GRK4: variants seen among roughly 807,000 people sequenced by gnomAD.
GRK4 encodes G protein-coupled receptor kinase 4, also known as G protein-coupled receptor kinase 2-like.
A neutral mutation model predicts 77.9 loss-of-function variants in GRK4; 73 were observed. That is an observed-to-expected ratio of 0.94 (90% confidence interval 0.78 to 1.14). GRK4 has a LOEUF of 1.14. Ranked by LOEUF, GRK4 falls within the 50% of genes most tolerant of loss-of-function variation. The pLI, the probability that GRK4 is intolerant of heterozygous loss-of-function variation, is 0.00. For missense variants in GRK4, 729 were observed against 700.2 expected (o/e 1.04, Z -0.46); for synonymous variants, 257 against 254.4 (o/e 1.01, Z -0.10).
At chr4:3,008,643 A>G (rs1418321427) in intron 6 of GRK4, among the ~76,000 whole-genome samples, 2 of 152,042 alleles carry the variant, frequency 1.3e-5, no homozygotes, top group Non-Finnish European at 2.9e-5. Context: ...CTCTACTAGA[A>G]CTACAAAACT....
At chr4:3,029,494 G>C in intron 12 of GRK4, 85 bp downstream of exon 12, 1 of 1,205,760 alleles carries the variant, frequency 8.3e-7, no homozygotes, top group South Asian at 1.3e-5. Context: ...AAAAAAAATT[G>C]GTCTGTCATC....
chr4:3,003,935 T>G (rs1730559430), intron 4 of GRK4, among the ~76,000 whole-genome samples: 1 of 152,126 alleles, frequency 6.6e-6, no homozygotes, highest in African/African-American at 2.4e-5. Context: ...TGTTGGCTGG[T>G]CTCAAACTCC....
chr4:2,964,580 C>T (rs1716896640), intron 1 of GRK4, among the ~76,000 whole-genome samples: 1 of 152,158 alleles, frequency 6.6e-6, no homozygotes, highest in Non-Finnish European at 1.5e-5. Flanking sequence ...GATTGTAGGG[C>T]AATGTTATTT....
rs150642662 is a variant in GRK4, at chr4:2,996,833, G to A, written c.339+4541G>A. Among the ~76,000 whole-genome samples the A allele has an allele frequency of 4.5e-4, 68 of 151,528 alleles. No individual in the cohort carries two copies. In the East Asian group the frequency reaches 4.8e-3, roughly 11 times the overall value. ...GAAACAAAAAACAAACAAATAAAAA[G>A]CAATGATTCACGTCATTATTGTAGT... On this transcript the variant is annotated intron_variant, in intron 4 of 15. Transcript: ENST00000398052.
Position 3,028,021 on chromosome 4 carries a change from C to A in GRK4, c.1060+20C>A. The A allele has an allele frequency of 6.2e-7, 1 of 1,606,942 alleles. No individual in the cohort carries two copies. Among genetic ancestry groups the A allele is most frequent in the Non-Finnish European group, 8.5e-7 (1 of 1,173,578 alleles). On this transcript the variant is annotated intron_variant, in intron 11 of 15. Transcript: ENST00000398052. ...ACATGGGTTCGTGAGAGGCTTTCGG[C>A]GTCCTTGTCCTTTCTATCCGGGTGC...
intron 2 of GRK4, among the ~76,000 whole-genome samples, chr4:2,986,437 A>C (rs1323879087): frequency 6.8e-6 from 1 of 148,088 alleles, no homozygotes; most frequent in African/African-American, 2.5e-5. Context: ...GCTCACTGCA[A>C]GCTCCGCCTC....
chr4:2,965,409 A>T, intron 1 of GRK4: 1 of 703,070 alleles, frequency 1.4e-6, no homozygotes, highest in Non-Finnish European at 2.6e-6. Flanking sequence ...TAGCCACGGT[A>T]GTTCTTCACA....
At chr4:2,979,140 G>A (rs1307557405) in intron 1 of GRK4, among the ~76,000 whole-genome samples, 2 of 151,918 alleles carry the variant, frequency 1.3e-5, no homozygotes, top group Non-Finnish European at 2.9e-5. Flanking sequence ...CAGGAGAATG[G>A]TGTGAACCCA....
At chr4:2,996,560 A>G (rs1560409969) in intron 4 of GRK4, among the ~76,000 whole-genome samples, 1 of 152,080 alleles carries the variant, frequency 6.6e-6, no homozygotes, top group Non-Finnish European at 1.5e-5. Context: ...GCCTCAGGAA[A>G]AAAAAAAATG....
chr4:3,020,664 T>C (rs1735805406), intron 9 of GRK4, among the ~76,000 whole-genome samples: 1 of 152,192 alleles, frequency 6.6e-6, no homozygotes, highest in African/African-American at 2.4e-5. Flanking sequence ...CCCTGGGTAA[T>C]TTCATTTCCT....
At chr4:3,032,453 T>C (rs1463103954) in intron 12 of GRK4, among the ~76,000 whole-genome samples, 1 of 152,044 alleles carries the variant, frequency 6.6e-6, no homozygotes, top group African/African-American at 2.4e-5. Context: ...AAAAGCAGAA[T>C]GCATACTTGT....
chr4:2,973,735 C>T (rs1378326878), intron 1 of GRK4, among the ~76,000 whole-genome samples: 3 of 152,196 alleles, frequency 2.0e-5, no homozygotes, highest in Non-Finnish European at 4.4e-5. Context: ...CAGCTTCTGC[C>T]TTTTCCCCCT....
chr4:2,993,219 T>TC (rs1426081558), intron 4 of GRK4, among the ~76,000 whole-genome samples: 1 of 152,236 alleles, frequency 6.6e-6, no homozygotes, highest in Non-Finnish European at 1.5e-5. Context: ...TTTTATGCTT[T>TC]TGACTTACTT....
In GRK4 at chr4:2,968,331, G is replaced by A. The variant is rs774794987; in HGVS notation, c.52+4209G>A. Among the ~76,000 whole-genome samples, 8 of 152,062 alleles carry A rather than the reference G, an allele frequency of 5.3e-5. No individual in the cohort carries two copies. In the East Asian group the frequency reaches 7.7e-4, roughly 15 times the overall value. On this transcript the variant is annotated intron_variant, in intron 1 of 15. Transcript: ENST00000398052. ...CAATTCTGTTCTGATTTCAGGCTGC[G>A]GTGTTATTGAGCAGTTTCTTTAACA...
chr4:3,015,969 C>T (rs1008948990), intron 8 of GRK4, among the ~76,000 whole-genome samples: 23 of 150,342 alleles, frequency 1.5e-4, no homozygotes, highest in African/African-American at 7.3e-5. Context: ...AGTGCAGTGG[C>T]GCGATCTTGG....
rs117478149 is a variant in GRK4 at position 3,007,809 on chromosome 4, C to T, written c.517C>T (p.Gln173Ter). The change falls in exon 6 of 16, where the codon CAA becomes TAA. Residue 173 changes from glutamine (Q) to a stop codon, truncating the protein, a stop_gained. Transcript: ENST00000398052. LOFTEE classifies it high-confidence loss of function. ...QESSYFSQFLQWKWLERQPVT... is the reference protein window; with the variant it reads ...QESSYFSQFL ...AAGCTCATATTTTTCTCAGTTTTTA[C>T]AATGGAAATGGCTGGAAAGGTATGT... 2.5e-3 allele frequency: 4,069 copies of T among 1,611,152 alleles called. 148 individuals are homozygous for T. The Admixed American group carries it at 0.061, about 24-fold the overall frequency.
chr4:2,967,852 G>A (rs957020139), intron 1 of GRK4, among the ~76,000 whole-genome samples: 3 of 151,396 alleles, frequency 2.0e-5, no homozygotes, highest in Admixed American at 1.3e-4. Context: ...TGGCGCAATC[G>A]TGATCTCGGC....
At chr4:2,964,506 T>A (rs1298546999) in intron 1 of GRK4, among the ~76,000 whole-genome samples, 1 of 152,186 alleles carries the variant, frequency 6.6e-6, no homozygotes, top group East Asian at 1.9e-4. Context: ...GGCGTCTTTA[T>A]GGTCTTAAGG....
chr4:2,971,861 G>A (rs184986947), intron 1 of GRK4, among the ~76,000 whole-genome samples: 3 of 152,174 alleles, frequency 2.0e-5, no homozygotes, highest in Non-Finnish European at 2.9e-5. Context: ...TTCACGTGGC[G>A]TGCCCTCTGT....
Sources: allele counts gnomAD v4.1 joint callset (sites outside exome capture counted in the v4.1 genomes callset), GRCh38; gene constraint gnomAD v4.1.1; transcripts MANE v1.5; gene names NCBI Gene and HGNC (gene_info 2026-07-23, HGNC 2026-07-21).